Variants in DOCK3 observed in about 807,000 individuals in gnomAD.
DOCK3 encodes dedicator of cytokinesis protein 3.
A neutral mutation model predicts 265.6 loss-of-function variants in DOCK3; 60 were observed. The ratio of observed to expected loss-of-function variants is 0.23; its 90% CI spans 0.18 to 0.28. DOCK3 has a LOEUF of 0.28. DOCK3 is among the 10% of genes least tolerant of loss of function. DOCK3 has a pLI of 1.00. For synonymous variants in DOCK3, 881 were observed against 938.0 expected (o/e 0.94, Z 1.11); for missense variants, 1,981 against 2,594.3 (o/e 0.76, Z 5.14).
At chr3:51,314,930 C>T (rs1323260371) in intron 31 of DOCK3, 50 bp from the exon 32 acceptor site, 2 of 1,535,536 alleles carry the variant, frequency 1.3e-6, no homozygotes, top group Admixed American at 3.8e-5. Context: ...TGGGAATCTT[C>T]CATGGAAGGA....
At chr3:51,108,455 A>G (rs1345337156) in intron 9 of DOCK3, among the ~76,000 whole-genome samples, 1 of 152,212 alleles carries the variant, frequency 6.6e-6, no homozygotes, top group Non-Finnish European at 1.5e-5. Context: ...TACACAGACC[A>G]GTGACACTAT....
At chr3:50,820,824 C>CA (rs2044367461) in intron 2 of DOCK3, among the ~76,000 whole-genome samples, 2 of 131,236 alleles carry the variant, frequency 1.5e-5, no homozygotes. Context: ...TTGCTGGCAT[C>CA]TTTTTTTTTT....
intron 27 of DOCK3, 146 bp from the exon 28 acceptor site, chr3:51,310,086 C>CT: frequency 1.4e-6 from 1 of 693,990 alleles, no homozygotes; most frequent in Non-Finnish European, 2.6e-6. Flanking sequence ...ATGTAGCCCT[C>CT]TAAGAGAGAA....
chr3:51,325,387 A>T (rs2109860303), intron 32 of DOCK3, among the ~76,000 whole-genome samples: 1 of 152,240 alleles, frequency 6.6e-6, no homozygotes, highest in East Asian at 1.9e-4. Flanking sequence ...AGTTAGAATG[A>T]CAGTCATTAA....
At chr3:51,349,963 A>C (rs1487785718) in intron 39 of DOCK3, among the ~76,000 whole-genome samples, 3 of 152,236 alleles carry the variant, frequency 2.0e-5, no homozygotes, top group African/African-American at 2.4e-5. Flanking sequence ...TGTCCGTGTT[A>C]AAAGTGTGCC....
rs907538170 is a variant in DOCK3, at chr3:51,218,826, G to A, written c.1252+4579G>A. Among the ~76,000 whole-genome samples the A allele has an allele frequency of 2.0e-5, 3 of 152,108 alleles. No homozygotes were observed. In the South Asian group the frequency reaches 6.2e-4, roughly 32 times the overall value. On this transcript the variant is annotated intron_variant, in intron 14 of 52. Transcript: ENST00000266037. ...AGTGTGCCTCAGAATCACCTGCAAG[G>A]CCCATAAAACACAGATTTCTGGGCC...
chr3:51,164,098 C>T (rs1000782104), intron 12 of DOCK3, among the ~76,000 whole-genome samples: 8 of 152,196 alleles, frequency 5.3e-5, no homozygotes, highest in Non-Finnish European at 8.8e-5. Flanking sequence ...AAGATGATAC[C>T]GCCACTTACT....
At chr3:51,241,616 T>A (rs2078614077) in intron 21 of DOCK3, among the ~76,000 whole-genome samples, 1 of 152,216 alleles carries the variant, frequency 6.6e-6, no homozygotes, top group African/African-American at 2.4e-5. Context: ...GTTTTGTTCA[T>A]TCATTTTCAT....
At chr3:51,125,589 A>G (rs1406790302) in intron 9 of DOCK3, among the ~76,000 whole-genome samples, 1 of 152,206 alleles carries the variant, frequency 6.6e-6, no homozygotes, top group Non-Finnish European at 1.5e-5. Context: ...CAGAAACAGC[A>G]GCAGAAATAG....
At chr3:50,914,021 T>C (rs997676614) in intron 4 of DOCK3, among the ~76,000 whole-genome samples, 1 of 148,986 alleles carries the variant, frequency 6.7e-6, no homozygotes, top group Non-Finnish European at 1.5e-5. Context: ...TATTCTGGCA[T>C]CTTGCTTTGT....
At chr3:51,362,770 C>A in intron 49 of DOCK3, 96 bp downstream of exon 49, 1 of 1,490,018 alleles carries the variant, frequency 6.7e-7, no homozygotes, top group Non-Finnish European at 9.0e-7. Flanking sequence ...CTTTGAGCAG[C>A]CCTGTGACTT....
chr3:51,112,074 G>C (rs2083543281), intron 9 of DOCK3, among the ~76,000 whole-genome samples: 1 of 152,138 alleles, frequency 6.6e-6, no homozygotes, highest in Admixed American at 6.6e-5. Context: ...TGGTGGTGAG[G>C]TTGTGGAGAA....
chr3:51,249,332 G>A (rs529293357), intron 22 of DOCK3, among the ~76,000 whole-genome samples: 1 of 144,640 alleles, frequency 6.9e-6, no homozygotes, highest in African/African-American at 2.6e-5. Flanking sequence ...GAGGTGGGGG[G>A]TTCAGGCCCC....
At chr3:50,832,048 A>G (rs1470019200) in intron 2 of DOCK3, among the ~76,000 whole-genome samples, 1 of 152,176 alleles carries the variant, frequency 6.6e-6, no homozygotes, top group African/African-American at 2.4e-5. Context: ...GTGTCTGTTC[A>G]TATCCTTTGC....
intron 2 of DOCK3, among the ~76,000 whole-genome samples, chr3:50,801,941 T>G (rs530471121): frequency 2.0e-5 from 3 of 152,252 alleles, no homozygotes; most frequent in Non-Finnish European, 4.4e-5. Context: ...ATTGCTTTAT[T>G]ACTGTGTTGC....
chr3:50,729,378 TTTTA>T (rs1174395057), intron 1 of DOCK3, among the ~76,000 whole-genome samples: 6 of 147,298 alleles, frequency 4.1e-5, no homozygotes, highest in Non-Finnish European at 7.5e-5. Context: ...ATTTATTTAT[TTTTA>T]TTTATTTATT....
chr3:51,280,869 G>A (rs9855454), intron 27 of DOCK3, among the ~76,000 whole-genome samples: 138,840 of 152,228 alleles, frequency 0.91, 63,460 homozygotes, highest in African/African-American at 0.96. Context: ...AGCCTGACTC[G>A]TGTCCAGTCC....
intron 1 of DOCK3, among the ~76,000 whole-genome samples, chr3:50,691,283 CAAAAAAA>C (rs371533246): frequency 1.6e-5 from 1 of 64,338 alleles, no homozygotes; most frequent in African/African-American, 5.6e-5. Context: ...GACTCTGTCT[CAAAAAAA>C]AAAAAAAAAA....
At chr3:50,955,159 A>G (rs1665206067) in intron 5 of DOCK3, among the ~76,000 whole-genome samples, 1 of 152,162 alleles carries the variant, frequency 6.6e-6, no homozygotes, top group African/African-American at 2.4e-5. Flanking sequence ...CAGATTGGCT[A>G]TTTTTAAAAA....
Sources: allele counts gnomAD v4.1 joint callset (sites outside exome capture counted in the v4.1 genomes callset), GRCh38; gene constraint gnomAD v4.1.1; transcripts MANE v1.5; gene names NCBI Gene and HGNC (gene_info 2026-07-23, HGNC 2026-07-21).